Variants in MARCHF1 observed in about 807,000 individuals in gnomAD.
MARCHF1 encodes the protein membrane associated ring-CH-type finger 1, also known as E3 ubiquitin-protein ligase MARCHF1.
MARCHF1 carries 40 observed loss-of-function variants against 54.2 expected under a neutral mutation model. That is an observed-to-expected ratio of 0.74 (90% confidence interval 0.57 to 0.96). The LOEUF (loss-of-function observed/expected upper bound fraction) is 0.96. Among genes scored for constraint, MARCHF1 ranks in the 40% least tolerant of loss-of-function variants. The pLI, the probability that MARCHF1 is intolerant of heterozygous loss-of-function variation, is 0.00. For missense variants in MARCHF1, 586 were observed against 656.5 expected, an observed-to-expected ratio of 0.89 and a Z score of 1.17; for synonymous variants, 236 against 236.3, an observed-to-expected ratio of 1.00 and a Z score of 0.01.
intron 3 of MARCHF1, among the ~76,000 whole-genome samples, chr4:163,876,713 A>G (rs1750297426): frequency 6.6e-6 from 1 of 152,158 alleles, no homozygotes; most frequent in Non-Finnish European, 1.5e-5. Flanking sequence ...TGAAAAAGGA[A>G]AAAGGGTATT....
At chr4:164,321,478 C>T (rs1172899935) in intron 1 of MARCHF1, among the ~76,000 whole-genome samples, 1 of 139,320 alleles carries the variant, frequency 7.2e-6, no homozygotes, top group Non-Finnish European at 1.5e-5. Flanking sequence ...TGCCTGAACA[C>T]CAAGGATAAA....
chr4:163,893,388 C>T (rs1750706351), intron 3 of MARCHF1, among the ~76,000 whole-genome samples: 1 of 152,174 alleles, frequency 6.6e-6, no homozygotes, highest in Non-Finnish European at 1.5e-5. Context: ...ATCTGCCCAC[C>T]TCTGCCTCCC....
chr4:163,964,397 G>T (rs1012002938), intron 3 of MARCHF1, among the ~76,000 whole-genome samples: 1 of 151,912 alleles, frequency 6.6e-6, no homozygotes. Context: ...TACAAACAGT[G>T]TGAGTTACGT....
chr4:164,273,751 A>G (rs1579680052), intron 1 of MARCHF1, among the ~76,000 whole-genome samples: 1 of 152,348 alleles, frequency 6.6e-6, no homozygotes, highest in Admixed American at 6.5e-5. Context: ...TGTGTGTTTC[A>G]CTAGTTAGAG....
At chr4:163,592,132 G>A (rs115696172) in intron 7 of MARCHF1, among the ~76,000 whole-genome samples, 1,881 of 152,180 alleles carry the variant, frequency 0.012, 40 homozygotes, top group South Asian at 0.04. Context: ...GAAAACTCAA[G>A]TTCAAAATAC....
At chr4:164,349,443 G>T (rs1386462180) in intron 1 of MARCHF1, among the ~76,000 whole-genome samples, 2 of 151,834 alleles carry the variant, frequency 1.3e-5, no homozygotes, top group Non-Finnish European at 2.9e-5. Context: ...TTCTTTTTTT[G>T]ATAACAATCC....
intron 3 of MARCHF1, among the ~76,000 whole-genome samples, chr4:163,952,147 T>C (rs1482627740): frequency 2.0e-5 from 3 of 152,136 alleles, no homozygotes; most frequent in Non-Finnish European, 4.4e-5. Flanking sequence ...TTGAGTTTGA[T>C]CTTGCAAATA....
chr4:164,071,830 C>T (rs1754873057), intron 2 of MARCHF1, among the ~76,000 whole-genome samples: 1 of 152,244 alleles, frequency 6.6e-6, no homozygotes, highest in South Asian at 2.1e-4. Flanking sequence ...TGTAAGTATA[C>T]ACTTACCACC....
At chr4:164,247,855 C>T (rs1329246719) in intron 1 of MARCHF1, among the ~76,000 whole-genome samples, 7 of 148,946 alleles carry the variant, frequency 4.7e-5, no homozygotes, top group Non-Finnish European at 7.4e-5. Context: ...CTATCATCTG[C>T]CAGTCCAAAT....
intron 5 of MARCHF1, among the ~76,000 whole-genome samples, chr4:163,636,252 AG>A (rs1244996619): frequency 6.6e-6 from 1 of 151,308 alleles, no homozygotes; most frequent in African/African-American, 2.4e-5. Flanking sequence ...CAGGGCAATT[AG>A]GCAGGAGAAG....
chr4:163,654,093 T>A lies in MARCHF1; in HGVS notation c.163-40700A>T, dbSNP rs549354327. On this transcript the variant is annotated intron_variant, in intron 5 of 9. Transcript: ENST00000514618. ...ACAGTGTGAGGCCTTAGAAATCAGATAACAAAGACAAGGCACTTGGAGAAG... is the reference window on the plus strand; with the variant it reads ...ACAGTGTGAGGCCTTAGAAATCAGAAAACAAAGACAAGGCACTTGGAGAAG... 2.6e-5 allele frequency among the ~76,000 whole-genome samples: 4 copies of A among 151,750 alleles called. No homozygotes were observed. In the South Asian group the frequency reaches 6.2e-4, roughly 24 times the overall value.
intron 3 of MARCHF1, among the ~76,000 whole-genome samples, chr4:163,931,060 C>G (rs867245611): frequency 2.0e-5 from 3 of 152,022 alleles, no homozygotes; most frequent in Non-Finnish European, 2.9e-5. Context: ...AGTTTGCTGG[C>G]TTTCTAAGAA....
At chr4:164,068,546 C>G (rs534735929) in intron 2 of MARCHF1, among the ~76,000 whole-genome samples, 10 of 152,330 alleles carry the variant, frequency 6.6e-5, no homozygotes, top group Admixed American at 6.5e-4. Context: ...CCTGGGCCAG[C>G]AGCTGCTGTG....
chr4:163,999,979 C>A (rs2110915126), intron 2 of MARCHF1, among the ~76,000 whole-genome samples: 1 of 151,562 alleles, frequency 6.6e-6, no homozygotes, highest in East Asian at 1.9e-4. Context: ...GAATGCAGAT[C>A]AAATATGATA....
chr4:163,697,146 G>A (rs1744660222), intron 5 of MARCHF1, among the ~76,000 whole-genome samples: 1 of 152,130 alleles, frequency 6.6e-6, no homozygotes, highest in African/African-American at 2.4e-5. Flanking sequence ...ATGAAGAAGT[G>A]TTGCCACCAG....
chr4:163,884,356 T>C (rs1456989430), intron 3 of MARCHF1, among the ~76,000 whole-genome samples: 2 of 152,188 alleles, frequency 1.3e-5, no homozygotes, highest in South Asian at 2.1e-4. Context: ...ATGAGCTGTT[T>C]CCTTTTTTAG....
At chr4:163,870,582 G>A (rs1750147842) in intron 3 of MARCHF1, among the ~76,000 whole-genome samples, 1 of 152,066 alleles carries the variant, frequency 6.6e-6, no homozygotes, top group Admixed American at 6.6e-5. Context: ...AGCAAAGTGG[G>A]ATGAATTCAG....
At chr4:163,760,635 T>A (rs1746801961) in intron 4 of MARCHF1, among the ~76,000 whole-genome samples, 1 of 152,166 alleles carries the variant, frequency 6.6e-6, no homozygotes, top group Non-Finnish European at 1.5e-5. Flanking sequence ...GAGATACAAT[T>A]TGCATTAAAA....
rs10604337 is a variant in MARCHF1, at chr4:164,211,331, G to GTATATATATATA, written c.-322-99681_-322-99670dup. Among the ~76,000 whole-genome samples, 37 of 115,982 alleles carry GTATATATATATA rather than the reference G, an allele frequency of 3.2e-4. No homozygotes were observed. In the East Asian group the frequency reaches 5.0e-3, roughly 16 times the overall value. 76.1% of individuals were successfully genotyped at this position (115,982 alleles called of 152,430 possible). A position where few individuals can be genotyped will look rare whatever the true frequency, so the allele number is the denominator to read the frequency against. On this transcript the variant is annotated intron_variant, in intron 1 of 9. Coordinates refer to ENST00000514618, the MANE Select transcript of MARCHF1 (RefSeq NM_001394959.1). The stretch of plus-strand genomic sequence containing the variant: ...AACCTGCATATGTGTATGTATGTAT[G>GTATATATATATA]TATATATATATATATATATATATAC...
Sources: gnomAD v4.1 joint callset for allele counts (sites outside exome capture counted in the v4.1 genomes callset) on GRCh38, gnomAD v4.1.1 for gene constraint, MANE v1.5 for transcripts, NCBI Gene and HGNC (gene_info 2026-07-23, HGNC 2026-07-21) for gene names.